The following PTPRO variants were observed in gnomAD, a reference collection of about 807,000 sequenced individuals.
PTPRO encodes the protein protein tyrosine phosphatase receptor type O.
PTPRO carries 62 observed loss-of-function variants against 145.2 expected under a neutral mutation model. That is an observed-to-expected ratio of 0.43 (90% confidence interval 0.35 to 0.53). The LOEUF (loss-of-function observed/expected upper bound fraction) is 0.53. PTPRO is among the 20% of genes least tolerant of loss of function. PTPRO has a pLI of 0.01. For missense variants in PTPRO, 1,345 were observed against 1,482.7 expected (o/e 0.91, Z 1.53); for synonymous variants, 565 against 514.7 (o/e 1.10, Z -1.32).
intron 1 of PTPRO, among the ~76,000 whole-genome samples, chr12:15,368,269 C>T (rs1938423355): frequency 6.6e-6 from 1 of 152,158 alleles, no homozygotes; most frequent in African/African-American, 2.4e-5. Context: ...ACCACCACAC[C>T]ATGCTCCATA....
chr12:15,457,756 T>C (rs568478725), intron 1 of PTPRO, among the ~76,000 whole-genome samples: 5 of 152,298 alleles, frequency 3.3e-5, no homozygotes, highest in African/African-American at 1.2e-4. Flanking sequence ...TGCCCCCACA[T>C]ACTTTGTTAT....
intron 1 of PTPRO, among the ~76,000 whole-genome samples, chr12:15,453,784 T>C (rs1331035665): frequency 1.3e-5 from 2 of 152,232 alleles, no homozygotes; most frequent in African/African-American, 2.4e-5. Context: ...TCTCTGCTTC[T>C]GTGTTTGACT....
intron 1 of PTPRO, chr12:15,410,158 A>G (rs941814408): frequency 3.3e-5 from 5 of 152,246 alleles, no homozygotes. Flanking sequence ...TTTGCATGAA[A>G]TGACACAAGA....
At chr12:15,526,546 A>T (rs980428357) in intron 12 of PTPRO, among the ~76,000 whole-genome samples, 46 of 152,214 alleles carry the variant, frequency 3.0e-4, no homozygotes, top group Non-Finnish European at 6.3e-4. Context: ...ATTAGAGATT[A>T]TCTAATGCAG....
rs143278258 is a variant in PTPRO at position 15,484,153 on chromosome 12, G to A, written c.255G>A (p.Lys85=). Reference sequence around the variant, plus strand: ...CTTTGCCTCCTCCTGTTATTTTCAAGGCCAGTTATCATGGCCTTTATTATA... The same window carrying A: ...CTTTGCCTCCTCCTGTTATTTTCAAAGCCAGTTATCATGGCCTTTATTATA... ...NSTLPPPVIF[K]ASYHGLYYII... The change falls in exon 2 of 27, where the codon AAG becomes AAA. Residue 85 remains lysine, a synonymous_variant. Coordinates refer to ENST00000281171, the MANE Select transcript of PTPRO (RefSeq NM_030667.3). 55 of 1,613,736 alleles carry A rather than the reference G, an allele frequency of 3.4e-5. No homozygotes were observed. The highest frequency in any genetic ancestry group is 4.4e-5 in the Non-Finnish European group (52 of 1,179,786).
At chr12:15,595,262 G>T in intron 26 of PTPRO, 1 of 542,624 alleles carries the variant, frequency 1.8e-6, no homozygotes, top group South Asian at 1.9e-5. Flanking sequence ...CACCTTGGTT[G>T]GTGTTGGCAA....
chr12:15,374,039 T>TAA (rs1212603011), intron 1 of PTPRO, among the ~76,000 whole-genome samples: 2 of 152,206 alleles, frequency 1.3e-5, no homozygotes, highest in Non-Finnish European at 2.9e-5. Flanking sequence ...TGAACATGCC[T>TAA]AATAAGTAGA....
chr12:15,326,755 T>C (rs985443195), intron 1 of PTPRO, among the ~76,000 whole-genome samples: 2 of 152,188 alleles, frequency 1.3e-5, no homozygotes, highest in African/African-American at 4.8e-5. Flanking sequence ...TGTGGCACAA[T>C]AGAAGGCTTA....
At chr12:15,453,283 A>G (rs1679435341) in intron 1 of PTPRO, among the ~76,000 whole-genome samples, 1 of 151,982 alleles carries the variant, frequency 6.6e-6, no homozygotes, top group African/African-American at 2.4e-5. Context: ...GAGCCACCAC[A>G]CCTACAGCAT....
chr12:15,323,360 C>G (rs1365686103), intron 1 of PTPRO, among the ~76,000 whole-genome samples: 1 of 152,132 alleles, frequency 6.6e-6, no homozygotes, highest in African/African-American at 2.4e-5. Flanking sequence ...CTATCAACAT[C>G]TTTACAATTC....
chr12:15,537,040 C>G (rs1246949925), intron 12 of PTPRO, among the ~76,000 whole-genome samples: 1 of 152,030 alleles, frequency 6.6e-6, no homozygotes, highest in Non-Finnish European at 1.5e-5. Flanking sequence ...AGAGACACAG[C>G]AAGATTTGCG....
At chr12:15,579,968 G>A (rs774083371) in intron 20 of PTPRO, 71 bp from the exon 21 acceptor site, 2 of 1,198,436 alleles carry the variant, frequency 1.7e-6, no homozygotes, top group Non-Finnish European at 2.5e-6. Context: ...CTTAATATTG[G>A]ATAGAAAGGG....
intron 15 of PTPRO, among the ~76,000 whole-genome samples, chr12:15,553,252 A>C (rs149895550): frequency 1.5e-3 from 230 of 152,304 alleles, no homozygotes; most frequent in African/African-American, 5.2e-3. Flanking sequence ...CTAGTGGGAG[A>C]AATAGACAAT....
chr12:15,342,423 T>C (rs1867028827), intron 1 of PTPRO, among the ~76,000 whole-genome samples: 3 of 152,214 alleles, frequency 2.0e-5, no homozygotes, highest in Admixed American at 2.0e-4. Flanking sequence ...TAATTTATTC[T>C]TTCTTTCTAT....
chr12:15,563,611 G>A (rs1015780450), intron 17 of PTPRO, among the ~76,000 whole-genome samples: 1 of 151,854 alleles, frequency 6.6e-6, no homozygotes, highest in Non-Finnish European at 1.5e-5. Flanking sequence ...ACATGTAGTG[G>A]AATTATACGT....
rs772239076 is a variant in PTPRO at position 15,471,671 on chromosome 12, G to C, written c.76-12303G>C. On this transcript the variant is annotated intron_variant, in intron 1 of 26. Transcript: ENST00000281171. ...AGACACAATTCTAGGAAGGGCAAAGGCTCCTAACTCCTGTCTTCCTCTTTG... is the reference window on the plus strand; with the variant it reads ...AGACACAATTCTAGGAAGGGCAAAGCCTCCTAACTCCTGTCTTCCTCTTTG... Among the ~76,000 whole-genome samples, 91 of 152,244 alleles carry C rather than the reference G, an allele frequency of 6.0e-4. 2 individuals are homozygous for C. In the Middle Eastern group the frequency reaches 0.01, roughly 17 times the overall value.
intron 1 of PTPRO, among the ~76,000 whole-genome samples, chr12:15,403,221 C>T (rs565286084): frequency 2.0e-4 from 30 of 152,260 alleles, no homozygotes; most frequent in African/African-American, 7.0e-4. Flanking sequence ...CCAGCTTCAT[C>T]GGCATTTCTG....
intron 1 of PTPRO, among the ~76,000 whole-genome samples, chr12:15,477,864 C>T (rs1477876556): frequency 6.6e-6 from 1 of 152,180 alleles, no homozygotes; most frequent in Non-Finnish European, 1.5e-5. Context: ...CCTGGAACCT[C>T]TGGGTGCATG....
At chr12:15,477,757 G>T (rs1032669533) in intron 1 of PTPRO, among the ~76,000 whole-genome samples, 21 of 152,224 alleles carry the variant, frequency 1.4e-4, no homozygotes, top group Non-Finnish European at 2.4e-4. Flanking sequence ...AAGTGCTCCC[G>T]CTGCACTTTG....
Sources: allele counts gnomAD v4.1 joint callset (sites outside exome capture counted in the v4.1 genomes callset), GRCh38; gene constraint gnomAD v4.1.1; transcripts MANE v1.5; gene names NCBI Gene and HGNC (gene_info 2026-07-23, HGNC 2026-07-21).